BEND7: variants seen among roughly 807,000 people sequenced by gnomAD.
The protein encoded by BEND7 is BEN domain containing 7, also known as BEN domain-containing protein 7.
Under a neutral mutation model 50.9 loss-of-function variants are expected in BEND7, and 28 were observed. The ratio of observed to expected loss-of-function variants is 0.55; its 90% CI spans 0.41 to 0.75. BEND7 has a LOEUF of 0.75. BEND7 is among the 30% of genes least tolerant of loss of function. The probability of loss-of-function intolerance (pLI) is 0.00; values close to 1 mark genes in which losing one functional copy is unlikely to be tolerated. For missense variants in BEND7, 477 were observed against 491.3 expected (o/e 0.97, Z 0.28); for synonymous variants, 170 against 183.9 (o/e 0.92, Z 0.61).
intron 7 of BEND7, among the ~76,000 whole-genome samples, chr10:13,450,201 G>A (rs1031801041): frequency 2.0e-5 from 3 of 152,204 alleles, no homozygotes; most frequent in African/African-American, 7.2e-5. Context: ...TTTTTTTCTA[G>A]AGGCAGTGCA....
At chr10:13,517,955 C>A (rs1441371895) in intron 2 of BEND7, among the ~76,000 whole-genome samples, 1 of 152,202 alleles carries the variant, frequency 6.6e-6, no homozygotes, top group Non-Finnish European at 1.5e-5. Context: ...ACTTCCCGCG[C>A]CAACATCCCA....
At chr10:13,487,431 G>T (rs2076308414) in intron 5 of BEND7, among the ~76,000 whole-genome samples, 1 of 144,218 alleles carries the variant, frequency 6.9e-6, no homozygotes, top group Admixed American at 7.3e-5. Flanking sequence ...CTGTTGCCCA[G>T]GCTGGAGTAC....
At chr10:13,445,241 T>C (rs1199991632) in intron 8 of BEND7, 1 of 152,236 alleles carries the variant, frequency 6.6e-6, no homozygotes, top group Non-Finnish European at 1.5e-5. Context: ...TTCTTCATTA[T>C]GACCTCACAG....
intron 2 of BEND7, among the ~76,000 whole-genome samples, chr10:13,513,637 G>C (rs913305322): frequency 6.6e-6 from 1 of 151,888 alleles, no homozygotes; most frequent in African/African-American, 2.4e-5. Context: ...CCCATTCTTG[G>C]TATCACTCCA....
intron 1 of BEND7, among the ~76,000 whole-genome samples, chr10:13,527,462 T>G (rs1453732824): frequency 6.6e-6 from 1 of 152,236 alleles, no homozygotes; most frequent in Non-Finnish European, 1.5e-5. Flanking sequence ...TTCACTAATT[T>G]TCATCAGTTT....
At chr10:13,490,975 TG>T (rs2076614604) in intron 5 of BEND7, among the ~76,000 whole-genome samples, 1 of 152,140 alleles carries the variant, frequency 6.6e-6, no homozygotes, top group African/African-American at 2.4e-5. Context: ...AGCTAATTTT[TG>T]TATTTTTAGT....
chr10:13,460,945 A>T (rs529124528), intron 6 of BEND7, among the ~76,000 whole-genome samples: 1 of 152,342 alleles, frequency 6.6e-6, no homozygotes, highest in Non-Finnish European at 1.5e-5. Flanking sequence ...CTTGTCCCCA[A>T]AAATCCTGCA....
intron 8 of BEND7, chr10:13,443,497 G>C (rs564494436): frequency 2.6e-5 from 4 of 152,762 alleles, no homozygotes; most frequent in Non-Finnish European, 5.9e-5. Flanking sequence ...GGGCGTTCTG[G>C]ACAAGTAAAC....
chr10:13,452,628 T>C lies in BEND7; in HGVS notation c.1094A>G (p.His365Arg). Residue 365 changes from histidine (H) to arginine (R), a missense_variant, in exon 7 of 9, where the codon CAT (histidine) becomes CGT (arginine). Physicochemically the swap from His to Arg is conservative, Grantham distance 29. This residue lies in a region of BEND7 where 64 missense variants were observed against 68.5 expected (regional missense o/e 0.93). Coordinates refer to ENST00000466271, the MANE Select transcript of BEND7 (RefSeq NM_001369863.1). ...TCTTGGGCCAGGAAGCTTATCCACA[T>C]GGTTAGCTGTACAGTACTTTTCTGT... is the stretch of plus-strand genomic sequence containing the variant. ...VFTEKYCTAN[H>R]VDKLPGPRDW... 1 of 1,612,404 alleles carries C rather than the reference T, an allele frequency of 6.2e-7. No individual in the cohort carries two copies. Among genetic ancestry groups the C allele is most frequent in the Non-Finnish European group, 8.5e-7 (1 of 1,178,832 alleles).
Position 13,466,831 on chromosome 10 carries a change from A to T in BEND7, c.1063+14068T>A, listed in dbSNP as rs528563682. ...TTCTAAAGCGAGGGTTTTTCAGTAT[A>T]TGAATTTTCAAAGTCATTCCATGAG... On this transcript the variant is annotated intron_variant, in intron 6 of 8. Coordinates refer to ENST00000466271, the MANE Select transcript of BEND7 (RefSeq NM_001369863.1). Among the ~76,000 whole-genome samples, 158 of 152,298 alleles carry T rather than the reference A, an allele frequency of 1.0e-3. 1 individual carries two copies. The highest frequency in any genetic ancestry group is 3.8e-3 in the African/African-American group (156 of 41,576).
intron 6 of BEND7, among the ~76,000 whole-genome samples, chr10:13,463,341 A>G (rs1019504459): frequency 1.3e-5 from 2 of 152,212 alleles, no homozygotes; most frequent in Non-Finnish European, 2.9e-5. Context: ...GAGAGGAGAA[A>G]GGGGAGGAGG....
intron 6 of BEND7, among the ~76,000 whole-genome samples, chr10:13,455,653 G>A (rs7093157): frequency 6.6e-6 from 1 of 151,738 alleles, no homozygotes; most frequent in Admixed American, 6.6e-5. Context: ...CATCACCCTG[G>A]GGGGGTTGGG....
At chr10:13,463,810 T>C (rs1392666564) in intron 6 of BEND7, among the ~76,000 whole-genome samples, 2 of 152,154 alleles carry the variant, frequency 1.3e-5, no homozygotes, top group Non-Finnish European at 2.9e-5. Context: ...GGGGTGATAC[T>C]TGAAATGCAT....
At chr10:13,498,207 C>T (rs1302823103) in intron 3 of BEND7, among the ~76,000 whole-genome samples, 1 of 151,622 alleles carries the variant, frequency 6.6e-6, no homozygotes, top group Admixed American at 6.6e-5. Context: ...CCCCAAGTAG[C>T]TGGGACTACA....
chr10:13,479,831 G>A (rs895019173), intron 6 of BEND7, among the ~76,000 whole-genome samples: 13 of 151,974 alleles, frequency 8.6e-5, no homozygotes, highest in African/African-American at 3.1e-4. Context: ...ATGAACAAAG[G>A]GTGCTTGGTA....
At chr10:13,464,343 T>G (rs1296567501) in intron 6 of BEND7, among the ~76,000 whole-genome samples, 2 of 152,214 alleles carry the variant, frequency 1.3e-5, no homozygotes, top group Non-Finnish European at 2.9e-5. Context: ...AGGGTTAGAA[T>G]GTGCTGAGAT....
At chr10:13,485,842 T>A (rs932862882) in intron 5 of BEND7, among the ~76,000 whole-genome samples, 10 of 152,218 alleles carry the variant, frequency 6.6e-5, no homozygotes, top group Non-Finnish European at 1.5e-4. Context: ...CAGGTGGACA[T>A]AGCAAGAATC....
Position 13,472,186 on chromosome 10 carries a change from C to T in BEND7, c.1063+8713G>A, listed in dbSNP as rs372280108. Among the ~76,000 whole-genome samples, 18 of 151,602 alleles carry T rather than the reference C, an allele frequency of 1.2e-4. 2 individuals carry two copies. Among genetic ancestry groups the T allele is most frequent in the Middle Eastern group, 3.2e-3 (1 of 308 alleles). ...TCGTCATCGCTGTTACACTCAGGGC[C>T]GATACCTGTCATCACTCTTAGACTC... On this transcript the variant is annotated intron_variant, in intron 6 of 8. Transcript: ENST00000466271.
chr10:13,469,601 T>C (rs7912879), intron 6 of BEND7, among the ~76,000 whole-genome samples: 151,855 of 152,272 alleles, frequency 1, 75,724 homozygotes, highest in Middle Eastern at 1. Flanking sequence ...CTCAGCCTCC[T>C]GAGCAGCTGG....
Sources: allele counts gnomAD v4.1 joint callset (sites outside exome capture counted in the v4.1 genomes callset), GRCh38; gene constraint gnomAD v4.1.1; regional missense constraint gnomAD v4.1.1; transcripts MANE v1.5; gene names NCBI Gene and HGNC (gene_info 2026-07-23, HGNC 2026-07-21).